MYCBP2: variants seen among roughly 807,000 people sequenced by gnomAD.
MYCBP2 encodes the protein E3 ubiquitin-protein ligase MYCBP2.
In MYCBP2, 120 loss-of-function variants were observed where a neutral mutation model predicts 525.3. That is an observed-to-expected ratio of 0.23 (90% CI 0.20 to 0.27). The LOEUF (loss-of-function observed/expected upper bound fraction) is 0.27. Among genes scored for constraint, MYCBP2 ranks in the 10% least tolerant of loss-of-function variants. The pLI is 1.00. For synonymous variants in MYCBP2, 1,894 were observed against 1,955.8 expected (o/e 0.97, Z 0.83); for missense variants, 4,149 against 5,657.1 (o/e 0.73, Z 8.55).
At chr13:77,288,951 G>A (rs2077182787) in intron 2 of MYCBP2, among the ~76,000 whole-genome samples, 1 of 152,158 alleles carries the variant, frequency 6.6e-6, no homozygotes, top group Non-Finnish European at 1.5e-5. Context: ...TAAAAATCAT[G>A]TGATTGGTAA....
chr13:77,099,154 G>A, intron 55 of MYCBP2, 141 bp from the exon 56 acceptor site: 1 of 1,074,374 alleles, frequency 9.3e-7, no homozygotes, highest in Non-Finnish European at 1.3e-6. Context: ...GAAGAATAAA[G>A]GAAAGAAGGG....
At position 77,055,734 on chromosome 13, in the gene MYCBP2, G is replaced by T; in HGVS notation, c.13471C>A (p.Leu4491Ile). The T allele has an allele frequency of 6.2e-7, 1 of 1,613,528 alleles. No homozygotes were observed. Among genetic ancestry groups the T allele is most frequent in the Non-Finnish European group, 8.5e-7 (1 of 1,179,754 alleles). ...KINHIVLKDL[L>I]DPIKELYEDV... ...TCATAGAGTTCTTTTATTGGATCAA[G>T]TAGGTCTTTTAGTACTATGTGATTA... is the stretch of plus-strand genomic sequence containing the variant. Residue 4491 changes from leucine to isoleucine, a missense_variant, in exon 80 of 83, where the codon CTT (leucine) becomes ATT (isoleucine). Physicochemically the swap from Leu to Ile is conservative, Grantham distance 5. This residue lies in a region of MYCBP2 where 220 missense variants were observed against 396.0 expected (regional missense o/e 0.56). Coordinates refer to ENST00000544440, the MANE Select transcript of MYCBP2 (RefSeq NM_015057.5).
At chr13:77,202,287 C>A (rs573341066) in intron 26 of MYCBP2, among the ~76,000 whole-genome samples, 2 of 152,308 alleles carry the variant, frequency 1.3e-5, no homozygotes, top group South Asian at 4.1e-4. Context: ...ACTAGAAAAT[C>A]TAGAAGAAAT....
intron 1 of MYCBP2, among the ~76,000 whole-genome samples, chr13:77,298,061 A>G (rs547617359): frequency 1.3e-5 from 2 of 152,346 alleles, no homozygotes; most frequent in South Asian, 4.1e-4. Context: ...GTCCAAAAGC[A>G]CCGACATCGT....
chr13:77,181,732 A>C lies in MYCBP2; in HGVS notation c.4910T>G (p.Leu1637Arg). 5.0e-6 allele frequency: 8 copies of C among 1,614,016 alleles called. No homozygotes were observed. The highest frequency in any genetic ancestry group is 6.8e-6 in the Non-Finnish European group (8 of 1,179,958). Reference sequence around the variant, plus strand: ...GAGTTTTTCCATATGTGCCACCAAAAGGGGAAAACGATGAACTAGTGTTGA... The same window carrying C: ...GAGTTTTTCCATATGTGCCACCAAACGGGGAAAACGATGAACTAGTGTTGA... ...NDSTLVHRFPLLVAHMEKLSQ... is the reference protein window; with the variant it reads ...NDSTLVHRFPRLVAHMEKLSQ... The change falls in exon 33 of 83, where the codon CTT becomes CGT. Residue 1637 changes from leucine (L) to arginine (R), a missense_variant. Leu to Arg is a moderately radical substitution (Grantham distance 102, BLOSUM62 -2). Coordinates refer to ENST00000544440, the MANE Select transcript of MYCBP2 (RefSeq NM_015057.5).
At position 77,191,931 on chromosome 13, in the gene MYCBP2, A is replaced by G. The variant is rs2154259215; in HGVS notation, c.3936-118T>C. 4.2e-6 allele frequency: 4 copies of G among 955,002 alleles called. No individual in the cohort carries two copies. In the South Asian group the frequency reaches 7.1e-5, roughly 17 times the overall value. 59.2% of individuals were successfully genotyped at this position (955,002 alleles called of 1,614,324 possible). A position where few individuals can be genotyped will look rare whatever the true frequency, so the allele number is the denominator to read the frequency against. Reference sequence around the variant, plus strand: ...AAACTAACTGTATTATAAAATTCTTATCAAACAACATTAAAAACACTCTAA... The same window carrying G: ...AAACTAACTGTATTATAAAATTCTTGTCAAACAACATTAAAAACACTCTAA... On this transcript the variant is annotated intron_variant, in intron 27 of 82. Coordinates refer to ENST00000544440, the MANE Select transcript of MYCBP2 (RefSeq NM_015057.5).
chr13:77,311,463 G>A (rs1009482947), intron 1 of MYCBP2, among the ~76,000 whole-genome samples: 1 of 151,940 alleles, frequency 6.6e-6, no homozygotes, highest in African/African-American at 2.4e-5. Context: ...ATCCAACAAT[G>A]ACTGGAAGGC....
rs191281085 is a variant in MYCBP2 at position 77,298,897 on chromosome 13, T to C, written c.303-2223A>G. ...TAGCATTGTGAGGGCATGATGAATGTCTATTTCAACTGTGTACTTTCAGCA... is the reference window on the plus strand; with the variant it reads ...TAGCATTGTGAGGGCATGATGAATGCCTATTTCAACTGTGTACTTTCAGCA... On this transcript the variant is annotated intron_variant, in intron 1 of 82. Transcript: ENST00000544440. 9.8e-5 allele frequency among the ~76,000 whole-genome samples: 15 copies of C among 152,350 alleles called. No homozygotes were observed. The East Asian group carries it at 2.7e-3, about 27-fold the overall frequency.
intron 47 of MYCBP2, among the ~76,000 whole-genome samples, chr13:77,146,705 A>G (rs2055634862): frequency 6.6e-6 from 1 of 152,198 alleles, no homozygotes; most frequent in Non-Finnish European, 1.5e-5. Flanking sequence ...ACTTGGAGGA[A>G]AATACGAATT....
intron 58 of MYCBP2, among the ~76,000 whole-genome samples, chr13:77,095,008 G>A (rs944558132): frequency 5.9e-5 from 9 of 152,084 alleles, no homozygotes; most frequent in Non-Finnish European, 1.0e-4. Context: ...AATAATTTAC[G>A]AAATAAAAGA....
rs752148778 is a variant in MYCBP2 at position 77,224,507 on chromosome 13, G to C, written c.2883C>G (p.Val961=). The change falls in exon 20 of 83, where the codon GTC becomes GTG. Residue 961 remains valine (V), a synonymous_variant. Transcript: ENST00000544440. ...HSVVLMENGD[V]YTFGYGQHGQ... ...CATGCTGCCCATAACCAAATGTATA[G>C]ACATCTCCATTTTCCATTAAAACCA... 15 of 1,607,828 alleles carry C rather than the reference G, an allele frequency of 9.3e-6. No homozygotes were observed. The South Asian group carries it at 1.4e-4, about 16-fold the overall frequency.
chr13:77,051,957 G>C (rs373039956), intron 80 of MYCBP2, 39 bp from the exon 81 acceptor site: 1 of 1,512,944 alleles, frequency 6.6e-7, no homozygotes, highest in Non-Finnish European at 9.2e-7. Flanking sequence ...CAGGAAAAAA[G>C]AAAACTCTGG....
intron 59 of MYCBP2, 76 bp downstream of exon 59, chr13:77,093,089 C>A: frequency 2.1e-6 from 3 of 1,401,352 alleles, no homozygotes; most frequent in Non-Finnish European, 2.9e-6. Flanking sequence ...AGAACTTCTA[C>A]AGGACTCTTT....
intron 62 of MYCBP2, among the ~76,000 whole-genome samples, chr13:77,084,784 C>A (rs997043288): frequency 2.0e-5 from 3 of 152,036 alleles, no homozygotes; most frequent in African/African-American, 7.2e-5. Context: ...ATTGCATGCC[C>A]AGTCTAAGAG....
intron 49 of MYCBP2, among the ~76,000 whole-genome samples, chr13:77,141,569 A>C (rs552499335): frequency 6.6e-6 from 1 of 152,036 alleles, no homozygotes; most frequent in Non-Finnish European, 1.5e-5. Context: ...TCGGGAGTTC[A>C]AGATCAGCCT....
intron 44 of MYCBP2, among the ~76,000 whole-genome samples, chr13:77,160,999 T>C (rs188049023): frequency 4.6e-4 from 70 of 152,324 alleles, no homozygotes; most frequent in African/African-American, 1.6e-3. Flanking sequence ...TGAGTAACAC[T>C]GATCCAGTTG....
intron 62 of MYCBP2, among the ~76,000 whole-genome samples, chr13:77,083,824 A>G (rs2043747107): frequency 6.6e-6 from 1 of 152,112 alleles, no homozygotes. Flanking sequence ...AAAATACCAT[A>G]AAAAGTCTCC....
At chr13:77,324,342 T>A (rs1369980218) in intron 1 of MYCBP2, among the ~76,000 whole-genome samples, 2 of 152,232 alleles carry the variant, frequency 1.3e-5, no homozygotes, top group African/African-American at 4.8e-5. Context: ...TTCTCTATTA[T>A]TGCTCCATTC....
chr13:77,105,091 T>C (rs2154137686), intron 55 of MYCBP2, among the ~76,000 whole-genome samples: 1 of 151,854 alleles, frequency 6.6e-6, no homozygotes, highest in East Asian at 1.9e-4. Flanking sequence ...AATGGAAGAG[T>C]TAATTCAGGG....
Sources: allele counts gnomAD v4.1 joint callset (sites outside exome capture counted in the v4.1 genomes callset), GRCh38; gene constraint gnomAD v4.1.1; regional missense constraint gnomAD v4.1.1; transcripts MANE v1.5; gene names NCBI Gene and HGNC (gene_info 2026-07-23, HGNC 2026-07-21).